CDH13: variants seen among roughly 807,000 people sequenced by gnomAD.
The protein encoded by CDH13 is cadherin 13.
Under a neutral mutation model 63.8 loss-of-function variants are expected in CDH13, and 24 were observed. The observed-to-expected ratio is 0.38, with a 90% CI of 0.27 to 0.53. The LOEUF is 0.53. Ranked by LOEUF, CDH13 falls within the 20% of genes least tolerant of loss-of-function variation. The probability of loss-of-function intolerance (pLI) is 0.85; values close to 1 mark genes in which losing one functional copy is unlikely to be tolerated. For missense variants in CDH13, 1,049 were observed against 903.1 expected, an observed-to-expected ratio of 1.16 and a Z score of -2.07; for synonymous variants, 503 against 355.3, an observed-to-expected ratio of 1.42 and a Z score of -4.67.
At chr16:83,344,523 C>G (rs1018486083) in intron 5 of CDH13, among the ~76,000 whole-genome samples, 15 of 152,234 alleles carry the variant, frequency 9.9e-5, no homozygotes, top group African/African-American at 3.6e-4. Context: ...TCCTTTTAAG[C>G]ATAATGATAT....
chr16:83,106,604 C>T (rs562724747), intron 3 of CDH13, among the ~76,000 whole-genome samples: 15 of 152,276 alleles, frequency 9.9e-5, no homozygotes, highest in African/African-American at 3.1e-4. Flanking sequence ...TGATTTAATA[C>T]ATGTTGATAC....
At chr16:83,352,136 C>G (rs1447975979) in intron 6 of CDH13, among the ~76,000 whole-genome samples, 1 of 151,906 alleles carries the variant, frequency 6.6e-6, no homozygotes, top group East Asian at 1.9e-4. Flanking sequence ...TTGGAGGAGA[C>G]AGCACTTGAG....
chr16:83,216,546 GGGGTTTAATATATATAATA>G (rs1411747334), intron 4 of CDH13, among the ~76,000 whole-genome samples: 3 of 138,534 alleles, frequency 2.2e-5, no homozygotes, highest in Non-Finnish European at 4.6e-5. Flanking sequence ...TATATATAAT[GGGGTTTAATATATATAATA>G]TGTAGGGTTT....
intron 1 of CDH13, among the ~76,000 whole-genome samples, chr16:82,690,556 C>T (rs903712493): frequency 2.0e-5 from 3 of 152,044 alleles, no homozygotes; most frequent in Non-Finnish European, 4.4e-5. Context: ...CTAGCACAGC[C>T]TCGTGGGCAG....
intron 1 of CDH13, among the ~76,000 whole-genome samples, chr16:82,693,513 C>T (rs1424533057): frequency 3.3e-5 from 5 of 152,146 alleles, no homozygotes; most frequent in African/African-American, 4.8e-5. Flanking sequence ...TTTAGTTACT[C>T]GCTCTCCCCT....
intron 3 of CDH13, among the ~76,000 whole-genome samples, chr16:83,050,644 C>T (rs1033315185): frequency 2.6e-5 from 4 of 152,146 alleles, no homozygotes; most frequent in African/African-American, 9.7e-5. Flanking sequence ...TCTTCTTCAG[C>T]ATGTCTCCAA....
intron 1 of CDH13, among the ~76,000 whole-genome samples, chr16:82,854,317 C>T (rs1422164296): frequency 6.9e-6 from 1 of 145,604 alleles, no homozygotes; most frequent in Non-Finnish European, 1.5e-5. Context: ...AGGAGAATGG[C>T]ATGAAACCAG....
At chr16:83,769,795 C>T (rs956451259) in intron 11 of CDH13, among the ~76,000 whole-genome samples, 1 of 152,110 alleles carries the variant, frequency 6.6e-6, no homozygotes, top group Non-Finnish European at 1.5e-5. Context: ...CGTAGATGAC[C>T]TTGCCTTGTA....
chr16:83,490,741 AC>A (rs1369740046), intron 7 of CDH13, among the ~76,000 whole-genome samples: 1 of 152,222 alleles, frequency 6.6e-6, no homozygotes, highest in African/African-American at 2.4e-5. Context: ...AGCGTGATTC[AC>A]ACTGGCTTGA....
At chr16:83,069,364 A>C (rs2032264494) in intron 3 of CDH13, among the ~76,000 whole-genome samples, 2 of 152,180 alleles carry the variant, frequency 1.3e-5, no homozygotes, top group Admixed American at 6.5e-5. Flanking sequence ...AAATATGATC[A>C]CATAATTTTT....
At chr16:82,782,081 C>A (rs17191840) in intron 1 of CDH13, among the ~76,000 whole-genome samples, 1 of 151,988 alleles carries the variant, frequency 6.6e-6, no homozygotes, top group African/African-American at 2.4e-5. Flanking sequence ...TGAAGTTCCT[C>A]CTAAAGTGCC....
intron 3 of CDH13, among the ~76,000 whole-genome samples, chr16:83,059,239 A>C (rs922932753): frequency 2.0e-5 from 3 of 152,178 alleles, no homozygotes; most frequent in African/African-American, 7.2e-5. Flanking sequence ...AGAGTCATCC[A>C]CCTGAAAAAT....
chr16:83,205,544 C>G (rs12102654), intron 4 of CDH13, among the ~76,000 whole-genome samples: 145,746 of 151,622 alleles, frequency 0.96, 70,157 homozygotes, highest in Non-Finnish European at 0.99. Flanking sequence ...ATTTTGAATG[C>G]AAGAAAAGAA....
At chr16:83,636,182 T>A (rs1289513462) in intron 8 of CDH13, among the ~76,000 whole-genome samples, 1 of 152,196 alleles carries the variant, frequency 6.6e-6, no homozygotes, top group Admixed American at 6.5e-5. Flanking sequence ...GATCTATGTC[T>A]CTGTCTCACC....
chr16:82,680,255 C>G (rs1350546702), intron 1 of CDH13, among the ~76,000 whole-genome samples: 1 of 152,226 alleles, frequency 6.6e-6, no homozygotes, highest in Non-Finnish European at 1.5e-5. Flanking sequence ...CTGGCATTTA[C>G]TGAGCACATC....
intron 1 of CDH13, among the ~76,000 whole-genome samples, chr16:82,653,276 A>G (rs571728439): frequency 1.3e-5 from 2 of 152,278 alleles, no homozygotes; most frequent in South Asian, 4.1e-4. Flanking sequence ...CTCATGGAAA[A>G]CATTGAGCTG....
At chr16:83,210,881 G>A (rs2039319308) in intron 4 of CDH13, among the ~76,000 whole-genome samples, 1 of 151,600 alleles carries the variant, frequency 6.6e-6, no homozygotes, top group Admixed American at 6.6e-5. Flanking sequence ...CGGGCGTGGT[G>A]GCTCATGCTT....
At position 83,083,714 on chromosome 16, in the gene CDH13, A is replaced by G. The variant is rs1334549018; in HGVS notation, c.367-41671A>G. ...TTTTCAATATGAGCCTCTAGCTATA[A>G]ATGGATGAAATTTCCACTCCCTCAA... On this transcript the variant is annotated intron_variant, in intron 3 of 13. Coordinates refer to ENST00000567109, the MANE Select transcript of CDH13 (RefSeq NM_001257.5). Among the ~76,000 whole-genome samples the G allele has an allele frequency of 5.9e-5, 9 of 152,202 alleles. No individual in the cohort carries two copies. In the East Asian group the frequency reaches 1.5e-3, roughly 26 times the overall value.
intron 2 of CDH13, among the ~76,000 whole-genome samples, chr16:83,014,820 A>ATATATTTG (rs1184793093): frequency 3.0e-5 from 2 of 66,240 alleles, no homozygotes; most frequent in South Asian, 7.1e-4. Context: ...ATATTTGTAT[A>ATATATTTG]TATATATTTG....
Sources: allele counts gnomAD v4.1 joint callset (sites outside exome capture counted in the v4.1 genomes callset), GRCh38; gene constraint gnomAD v4.1.1; transcripts MANE v1.5; gene names NCBI Gene and HGNC (gene_info 2026-07-23, HGNC 2026-07-21).